Variants in SYNPR observed in about 807,000 individuals in gnomAD.
SYNPR encodes the protein synaptoporin.
SYNPR carries 23 observed loss-of-function variants against 32.9 expected under a neutral mutation model. The observed-to-expected ratio is 0.70, with a 90% CI of 0.50 to 0.99. The LOEUF (loss-of-function observed/expected upper bound fraction) is 0.99, where lower values mean the gene tolerates loss of function less well. Among genes scored for constraint, SYNPR ranks in the 50% least tolerant of loss-of-function variants. The probability of loss-of-function intolerance (pLI) is 0.00; values close to 1 mark genes in which losing one functional copy is unlikely to be tolerated. For missense variants in SYNPR, 318 were observed against 349.3 expected, an observed-to-expected ratio of 0.91 and a Z score of 0.71; for synonymous variants, 146 against 135.9, an observed-to-expected ratio of 1.07 and a Z score of -0.52.
intron 2 of SYNPR, among the ~76,000 whole-genome samples, chr3:63,404,272 G>A (rs2088329758): frequency 6.6e-6 from 1 of 152,156 alleles, no homozygotes; most frequent in Non-Finnish European, 1.5e-5. Flanking sequence ...TGATGTGAAT[G>A]ATGTTTTAAC....
At chr3:63,408,182 GAAAGAAAGAA>G (rs2088392022) in intron 2 of SYNPR, among the ~76,000 whole-genome samples, 5 of 108,082 alleles carry the variant, frequency 4.6e-5, no homozygotes, top group Admixed American at 1.0e-4. Context: ...AAGAAAGAAA[GAAAGAAAGAA>G]AGAGGAAGGA....
chr3:63,405,143 C>T (rs961548967), intron 2 of SYNPR, among the ~76,000 whole-genome samples: 1 of 152,172 alleles, frequency 6.6e-6, no homozygotes. Flanking sequence ...CTCTGTCCTT[C>T]CCCTTTCTCA....
chr3:63,469,162 T>A (rs1158834277), intron 2 of SYNPR, among the ~76,000 whole-genome samples: 1 of 152,162 alleles, frequency 6.6e-6, no homozygotes, highest in Non-Finnish European at 1.5e-5. Context: ...CAGAGAACGC[T>A]GCACATGGCA....
chr3:63,557,151 C>T (rs1227759349), intron 4 of SYNPR, among the ~76,000 whole-genome samples: 4 of 152,100 alleles, frequency 2.6e-5, no homozygotes, highest in Non-Finnish European at 5.9e-5. Flanking sequence ...CTACCAATTC[C>T]TTACCCTACA....
rs909658162 is a variant in SYNPR, at chr3:63,496,895, T to C, written c.209+15939T>C. ...TCACTTTCAGTATGGTACCAGGCACTATGCTTGGCAATGAAGGGAATTTAA... is the reference window on the plus strand; with the variant it reads ...TCACTTTCAGTATGGTACCAGGCACCATGCTTGGCAATGAAGGGAATTTAA... On this transcript the variant is annotated intron_variant, in intron 3 of 5. Coordinates refer to ENST00000478300, the MANE Select transcript of SYNPR (RefSeq NM_001130003.2). Among the ~76,000 whole-genome samples, 84 of 152,262 alleles carry C rather than the reference T, an allele frequency of 5.5e-4. 1 individual carries two copies. The highest frequency in any genetic ancestry group is 1.9e-3 in the African/African-American group (80 of 41,578).
At chr3:63,585,454 C>G (rs1703167193) in intron 4 of SYNPR, among the ~76,000 whole-genome samples, 1 of 109,142 alleles carries the variant, frequency 9.2e-6, no homozygotes, top group South Asian at 3.2e-4. Context: ...TCCATGCCCC[C>G]CCCCTCCGCC....
chr3:63,295,817 A>C (rs1329318634), intron 2 of SYNPR, among the ~76,000 whole-genome samples: 2 of 152,246 alleles, frequency 1.3e-5, no homozygotes, highest in African/African-American at 2.4e-5. Flanking sequence ...TGTTTCCCAC[A>C]GTTTTTCTCC....
At chr3:63,344,016 T>C (rs548049749) in intron 2 of SYNPR, among the ~76,000 whole-genome samples, 1 of 152,338 alleles carries the variant, frequency 6.6e-6, no homozygotes, top group African/African-American at 2.4e-5. Flanking sequence ...TTAGGAGAGC[T>C]CTCAGCCTCG....
Position 63,443,165 on chromosome 3 carries a change from G to A in SYNPR, c.85-37667G>A, listed in dbSNP as rs900897352. The A allele has an allele frequency of 8.5e-5, 102 of 1,193,154 alleles. No individual in the cohort carries two copies. In the Middle Eastern group the frequency reaches 1.8e-3, roughly 21 times the overall value. 73.9% of individuals were successfully genotyped at this position (1,193,154 alleles called of 1,614,324 possible). The stretch of plus-strand genomic sequence containing the variant: ...GCCACCTCCCCACCAAGCAGGCAGC[G>A]TTCACCAGAGGGGAGTATCAGGTTC... On this transcript the variant is annotated intron_variant, in intron 2 of 5. Coordinates refer to ENST00000478300, the MANE Select transcript of SYNPR (RefSeq NM_001130003.2).
chr3:63,560,328 A>T (rs2106832870), intron 4 of SYNPR, among the ~76,000 whole-genome samples: 1 of 152,294 alleles, frequency 6.6e-6, no homozygotes, highest in East Asian at 1.9e-4. Context: ...CAAAGAGCAA[A>T]CCACATCGAT....
the SYNPR span, among the ~76,000 whole-genome samples, chr3:63,205,567 A>G: frequency 2.0e-5 from 3 of 152,228 alleles, no homozygotes; most frequent in African/African-American, 4.8e-5. Flanking sequence ...TCGCCAAACA[A>G]TGAAATCATC....
chr3:63,452,101 G>C (rs1700389584), intron 2 of SYNPR: 1 of 701,494 alleles, frequency 1.4e-6, no homozygotes, highest in Admixed American at 2.0e-5. Flanking sequence ...TTTTTCTCTG[G>C]ATCTCTTCAA....
At chr3:63,242,473 T>A (rs1575573759) in intron 1 of SYNPR, among the ~76,000 whole-genome samples, 1 of 152,058 alleles carries the variant, frequency 6.6e-6, no homozygotes. Flanking sequence ...AAAATTAACC[T>A]TGGAAATGTG....
chr3:63,531,175 G>A (rs113809725), intron 3 of SYNPR, among the ~76,000 whole-genome samples: 2,159 of 152,178 alleles, frequency 0.014, 35 homozygotes, highest in African/African-American at 0.046. Context: ...CACAGTCCAG[G>A]GTAGTTTTAT....
At chr3:63,477,496 A>G (rs9856949) in intron 2 of SYNPR, among the ~76,000 whole-genome samples, 29,698 of 152,034 alleles carry the variant, frequency 0.2, 3,127 homozygotes, top group African/African-American at 0.26. Flanking sequence ...TGAGGCAGGG[A>G]GCTAGAAGAA....
intron 2 of SYNPR, among the ~76,000 whole-genome samples, chr3:63,378,624 G>A (rs1220096619): frequency 2.0e-5 from 3 of 151,842 alleles, no homozygotes; most frequent in Non-Finnish European, 1.5e-5. Flanking sequence ...CATTGTTTTA[G>A]TTATTCTCAT....
At chr3:63,533,118 G>A (rs1280239943) in intron 3 of SYNPR, among the ~76,000 whole-genome samples, 1 of 152,098 alleles carries the variant, frequency 6.6e-6, no homozygotes, top group African/African-American at 2.4e-5. Context: ...CTAGACTGCA[G>A]GTTCTTTAAG....
chr3:63,593,423 C>A (rs1413528388), intron 4 of SYNPR, among the ~76,000 whole-genome samples: 1 of 152,032 alleles, frequency 6.6e-6, no homozygotes, highest in Non-Finnish European at 1.5e-5. Flanking sequence ...GGAATACCTC[C>A]CTCTTGCACC....
intron 3 of SYNPR, among the ~76,000 whole-genome samples, chr3:63,510,749 T>G (rs920020319): frequency 1.3e-5 from 2 of 152,186 alleles, no homozygotes; most frequent in Non-Finnish European, 2.9e-5. Flanking sequence ...GTGTGTTTTT[T>G]AAACCTGTGA....
Sources: gnomAD v4.1 joint callset for allele counts (sites outside exome capture counted in the v4.1 genomes callset) on GRCh38, gnomAD v4.1.1 for gene constraint, MANE v1.5 for transcripts, NCBI Gene and HGNC (gene_info 2026-07-23, HGNC 2026-07-21) for gene names.